LSAMP: variants seen among roughly 807,000 people sequenced by gnomAD.
LSAMP encodes the protein limbic system associated membrane protein, also known as limbic system-associated membrane protein.
LSAMP carries 7 observed loss-of-function variants against 38.6 expected under a neutral mutation model. That is an observed-to-expected ratio of 0.18 (90% CI 0.10 to 0.34). LSAMP has a LOEUF of 0.34. Among genes scored for constraint, LSAMP ranks in the 10% least tolerant of loss-of-function variants. LSAMP has a pLI of 1.00. For synonymous variants in LSAMP, 154 were observed against 166.8 expected, an observed-to-expected ratio of 0.92 and a Z score of 0.59; for missense variants, 313 against 420.0, an observed-to-expected ratio of 0.75 and a Z score of 2.23.
rs563169032 is a variant in LSAMP, at chr3:115,836,115, T to C, written c.919+5730A>G. Among the ~76,000 whole-genome samples, 5 of 152,320 alleles carry C rather than the reference T, an allele frequency of 3.3e-5. No homozygotes were observed. In the East Asian group the frequency reaches 9.6e-4, roughly 29 times the overall value. ...GCTGGGTAAATGCACTCTGCCCTTA[T>C]TTCCACATGACCATTTATATTGCTA... On this transcript the variant is annotated intron_variant, in intron 6 of 6. Transcript: ENST00000490035.
chr3:116,013,934 T>G lies in LSAMP; in HGVS notation c.514+5581A>C, dbSNP rs146442655. 2.3e-3 allele frequency among the ~76,000 whole-genome samples: 354 copies of G among 152,314 alleles called. 2 individuals are homozygous for G. Among genetic ancestry groups the G allele is most frequent in the African/African-American group, 8.2e-3 (339 of 41,580 alleles). On this transcript the variant is annotated intron_variant, in intron 3 of 6. Transcript: ENST00000490035. Reference sequence around the variant, plus strand: ...TTTCTTGGCTAGGTCCTATTCATCCTTGAGGTTTCAGCGTAATACTTCTCA... The same window carrying G: ...TTTCTTGGCTAGGTCCTATTCATCCGTGAGGTTTCAGCGTAATACTTCTCA...
At position 115,806,927 on chromosome 3, in the gene LSAMP, T is replaced by A. The variant is rs1348003555; in HGVS notation, c.*3390A>T. 1 of 152,206 alleles carries A rather than the reference T, an allele frequency of 6.6e-6. No individual in the cohort carries two copies. The highest frequency in any genetic ancestry group is 1.5e-5 in the Non-Finnish European group (1 of 68,040). The allele number at this position is 152,206 out of a possible 1,614,324, so 9.4% of individuals were successfully genotyped here. On this transcript the variant is annotated 3_prime_UTR_variant, in exon 7 of 7. Transcript: ENST00000490035. ...CTTCAGGAAGCACCCTGGGTCAAAG[T>A]CATTTCTGTTTTTGTTAACTGAAAG...
intron 1 of LSAMP, among the ~76,000 whole-genome samples, chr3:116,137,161 A>ATTTT (rs1374266045): frequency 2.0e-5 from 3 of 149,266 alleles, no homozygotes; most frequent in Admixed American, 6.7e-5. Context: ...TCTTCTTTTT[A>ATTTT]TTTTTTTTTC....
At chr3:116,337,492 A>G (rs73861633) in intron 1 of LSAMP, among the ~76,000 whole-genome samples, 2,707 of 152,156 alleles carry the variant, frequency 0.018, 84 homozygotes, top group African/African-American at 0.063. Context: ...GATATAGCAC[A>G]TAATCTCTAA....
chr3:115,850,155 TC>T (rs1411706731), intron 4 of LSAMP, among the ~76,000 whole-genome samples: 1 of 152,212 alleles, frequency 6.6e-6, no homozygotes, highest in Non-Finnish European at 1.5e-5. Context: ...AAAAGTCTTT[TC>T]TTGAAAATTA....
chr3:115,862,004 T>C (rs930997027), intron 3 of LSAMP, among the ~76,000 whole-genome samples: 26 of 152,206 alleles, frequency 1.7e-4, no homozygotes, highest in African/African-American at 6.0e-4. Context: ...AAAAGCCCCA[T>C]ATACTTAAAA....
At chr3:116,442,330 T>G (rs55812595) in intron 1 of LSAMP, among the ~76,000 whole-genome samples, 1 of 152,078 alleles carries the variant, frequency 6.6e-6, no homozygotes, top group Non-Finnish European at 1.5e-5. Context: ...ACTAAGAGAA[T>G]TATTTTTTTC....
chr3:116,337,351 G>A (rs969307902), intron 1 of LSAMP, among the ~76,000 whole-genome samples: 6 of 151,818 alleles, frequency 4.0e-5, no homozygotes, highest in African/African-American at 9.7e-5. Context: ...AAAACCTAGG[G>A]ATAAAAATAA....
chr3:115,858,674 A>G (rs1162069061), intron 3 of LSAMP, among the ~76,000 whole-genome samples: 1 of 152,172 alleles, frequency 6.6e-6, no homozygotes. Flanking sequence ...ACATACATAC[A>G]GTTTAATGAA....
At chr3:116,250,560 A>C (rs968526193) in intron 1 of LSAMP, among the ~76,000 whole-genome samples, 2 of 152,240 alleles carry the variant, frequency 1.3e-5, no homozygotes, top group Admixed American at 6.5e-5. Flanking sequence ...ATTTAAAAAA[A>C]CAAAACAAAA....
In LSAMP at chr3:116,136,616, C is replaced by T. The variant is rs148442646; in HGVS notation, c.156-50060G>A. On this transcript the variant is annotated intron_variant, in intron 1 of 6. Transcript: ENST00000490035. Reference sequence around the variant, plus strand: ...AAGTTGCTTTAAAAATCCTACTTTGCTTTTCTCTTTTCTGCCATTTTTTCC... The same window carrying T: ...AAGTTGCTTTAAAAATCCTACTTTGTTTTTCTCTTTTCTGCCATTTTTTCC... Among the ~76,000 whole-genome samples, 90 of 152,128 alleles carry T rather than the reference C, an allele frequency of 5.9e-4. 1 individual carries two copies. The highest frequency in any genetic ancestry group is 2.1e-3 in the African/African-American group (87 of 41,526).
intron 1 of LSAMP, among the ~76,000 whole-genome samples, chr3:116,232,553 C>CT: frequency 6.6e-6 from 1 of 152,164 alleles, no homozygotes; most frequent in East Asian, 1.9e-4. Context: ...TACCTGGTTG[C>CT]TTTATAAAGG....
chr3:116,437,052 T>TAC (rs2049362654), intron 1 of LSAMP, among the ~76,000 whole-genome samples: 1 of 150,448 alleles, frequency 6.6e-6, no homozygotes, highest in East Asian at 1.9e-4. Flanking sequence ...TATATATATA[T>TAC]ATACACACAC....
chr3:116,153,077 A>T (rs1008135039), intron 1 of LSAMP, among the ~76,000 whole-genome samples: 1 of 152,102 alleles, frequency 6.6e-6, no homozygotes. Context: ...CCTCTCAAAA[A>T]TATCTATATT....
intron 1 of LSAMP, among the ~76,000 whole-genome samples, chr3:116,096,033 T>C (rs550068938): frequency 2.0e-5 from 3 of 152,328 alleles, no homozygotes; most frequent in Non-Finnish European, 4.4e-5. Context: ...TGTGCATGTG[T>C]TTCCTAAGCT....
chr3:116,383,606 T>C (rs1241752822), intron 1 of LSAMP, among the ~76,000 whole-genome samples: 1 of 151,862 alleles, frequency 6.6e-6, no homozygotes, highest in African/African-American at 2.4e-5. Context: ...TAAATGGAAA[T>C]AGGATGAAAA....
rs1170680032 is a variant in LSAMP at position 115,808,108 on chromosome 3, TCCTCCCTCCCTCCCTCCCTCCCTC to T, written c.*2185_*2208del. ...CTCCTTCCTTCCTTCCTTCCTTCCT[TCCTCCCTCCCTCCCTCCCTCCCTC>T]CCTCCCTCCCTCCCTCCCCCCCTTC... On this transcript the variant is annotated 3_prime_UTR_variant, in exon 7 of 7. Coordinates refer to ENST00000490035, the MANE Select transcript of LSAMP (RefSeq NM_002338.5). 1 of 44,444 alleles carries T rather than the reference TCCTCCCTCCCTCCCTCCCTCCCTC, an allele frequency of 2.3e-5. No homozygotes were observed. The allele number at this position is 44,444 out of a possible 1,614,324, so 2.8% of individuals were successfully genotyped here. A position where few individuals can be genotyped will look rare whatever the true frequency, so the allele number is the denominator to read the frequency against.
intron 6 of LSAMP, among the ~76,000 whole-genome samples, chr3:115,834,868 C>T (rs1207608967): frequency 6.6e-6 from 1 of 152,024 alleles, no homozygotes; most frequent in East Asian, 1.9e-4. Flanking sequence ...CAGAATCCTA[C>T]TGGAAAAAAC....
intron 1 of LSAMP, among the ~76,000 whole-genome samples, chr3:116,262,112 C>G (rs952035831): frequency 4.0e-5 from 6 of 151,888 alleles, no homozygotes; most frequent in Admixed American, 6.6e-5. Context: ...AAATTTGGAT[C>G]GAAATATTCA....
Sources: gnomAD v4.1 joint callset for allele counts (sites outside exome capture counted in the v4.1 genomes callset) on GRCh38, gnomAD v4.1.1 for gene constraint, MANE v1.5 for transcripts, NCBI Gene and HGNC (gene_info 2026-07-23, HGNC 2026-07-21) for gene names.